PACRG: variants seen among roughly 807,000 people sequenced by gnomAD.
The protein encoded by PACRG is parkin coregulated gene protein.
A neutral mutation model predicts 29.7 loss-of-function variants in PACRG; 29 were observed. The ratio of observed to expected loss-of-function variants is 0.98; its 90% confidence interval spans 0.73 to 1.33. PACRG has a LOEUF of 1.33. PACRG is among the 40% of genes most tolerant of loss of function. The pLI is 0.00. For missense variants in PACRG, 279 were observed against 316.2 expected, an observed-to-expected ratio of 0.88 and a Z score of 0.89; for synonymous variants, 116 against 118.7, an observed-to-expected ratio of 0.98 and a Z score of 0.15.
At chr6:162,898,710 G>A (rs988400797) in intron 2 of PACRG, among the ~76,000 whole-genome samples, 3 of 152,168 alleles carry the variant, frequency 2.0e-5, no homozygotes, top group African/African-American at 4.8e-5. Context: ...CACAAATACA[G>A]GACTTAAAGA....
intron 4 of PACRG, among the ~76,000 whole-genome samples, chr6:163,099,000 A>T (rs906142647): frequency 1.3e-5 from 2 of 152,116 alleles, no homozygotes; most frequent in East Asian, 3.9e-4. Context: ...TTTCATCAGC[A>T]AGGTCTTTCT....
At position 163,249,190 on chromosome 6, in the gene PACRG, CAA is replaced by C. The variant is rs1172521816; in HGVS notation, c.614-65635_614-65634del. Among the ~76,000 whole-genome samples, 4 of 152,124 alleles carry C rather than the reference CAA, an allele frequency of 2.6e-5. No homozygotes were observed. The East Asian group carries it at 7.7e-4, about 29-fold the overall frequency. On this transcript the variant is annotated intron_variant, in intron 4 of 4. Transcript: ENST00000366888. ...CTGTACGCTGAAACAAGGATGCACG[CAA>C]AGTCTCTGGGTCAATATTATGTTGC...
At chr6:162,839,096 G>C (rs1789519300) in intron 2 of PACRG, among the ~76,000 whole-genome samples, 1 of 134,942 alleles carries the variant, frequency 7.4e-6, no homozygotes, top group African/African-American at 3.0e-5. Flanking sequence ...ATAGTCCTTT[G>C]GGTATATACC....
At chr6:163,090,961 T>C (rs1433619218) in intron 4 of PACRG, among the ~76,000 whole-genome samples, 1 of 152,224 alleles carries the variant, frequency 6.6e-6, no homozygotes, top group Non-Finnish European at 1.5e-5. Flanking sequence ...TTGCAGAAGT[T>C]GCCTCTTGTA....
chr6:162,888,405 C>T (rs2175895), intron 2 of PACRG, among the ~76,000 whole-genome samples: 39,054 of 151,990 alleles, frequency 0.26, 5,283 homozygotes, highest in Middle Eastern at 0.33. Flanking sequence ...CTCTTGCATC[C>T]GTAGGATCGC....
intron 2 of PACRG, among the ~76,000 whole-genome samples, chr6:162,984,370 G>T (rs947639219): frequency 6.6e-6 from 1 of 151,988 alleles, no homozygotes; most frequent in African/African-American, 2.4e-5. Context: ...TTATGGCCAA[G>T]TAGTATTTCA....
At chr6:163,079,460 A>G (rs1196206957) in intron 3 of PACRG, among the ~76,000 whole-genome samples, 1 of 151,910 alleles carries the variant, frequency 6.6e-6, no homozygotes, top group African/African-American at 2.4e-5. Flanking sequence ...CCATTCCTGT[A>G]TCCTCCCTAT....
chr6:162,922,624 A>C (rs1797147268), intron 2 of PACRG, among the ~76,000 whole-genome samples: 1 of 151,240 alleles, frequency 6.6e-6, no homozygotes, highest in Admixed American at 6.6e-5. Context: ...TACTTCTATG[A>C]GCTCATTTTT....
intron 4 of PACRG, among the ~76,000 whole-genome samples, chr6:163,213,121 A>G (rs1050595503): frequency 2.0e-5 from 3 of 152,234 alleles, no homozygotes; most frequent in Non-Finnish European, 4.4e-5. Context: ...TAACATGGCT[A>G]TGAAATGGAC....
At chr6:163,118,464 AT>A (rs763535021) in intron 4 of PACRG, among the ~76,000 whole-genome samples, 1 of 152,204 alleles carries the variant, frequency 6.6e-6, no homozygotes, top group Non-Finnish European at 1.5e-5. Flanking sequence ...ACACAAAAAA[AT>A]ATTTTTTAAG....
intron 2 of PACRG, among the ~76,000 whole-genome samples, chr6:163,052,577 A>G (rs1409077966): frequency 6.6e-6 from 1 of 152,086 alleles, no homozygotes. Flanking sequence ...TCCCCATGCT[A>G]TTCTTCTGAT....
At chr6:162,827,206 A>G (rs938911510) in intron 2 of PACRG, among the ~76,000 whole-genome samples, 18 of 152,204 alleles carry the variant, frequency 1.2e-4, no homozygotes, top group Non-Finnish European at 2.9e-5. Flanking sequence ...CAAAAAATAC[A>G]AAAGTTAAGA....
intron 4 of PACRG, among the ~76,000 whole-genome samples, chr6:163,209,083 G>A (rs1026670085): frequency 2.0e-4 from 30 of 152,160 alleles, no homozygotes; most frequent in African/African-American, 4.6e-4. Flanking sequence ...AAATAAGGTC[G>A]TGAGCAATAT....
intron 3 of PACRG, among the ~76,000 whole-genome samples, chr6:163,071,515 A>G (rs1812050054): frequency 6.6e-6 from 1 of 152,088 alleles, no homozygotes; most frequent in South Asian, 2.1e-4. Context: ...CACAACATGC[A>G]GCAGAAACAT....
chr6:162,768,661 C>A (rs1242629366), intron 1 of PACRG, among the ~76,000 whole-genome samples: 1 of 152,042 alleles, frequency 6.6e-6, no homozygotes, highest in Non-Finnish European at 1.5e-5. Context: ...ATTCTCTCTT[C>A]AGCCAAGAAA....
intron 4 of PACRG, among the ~76,000 whole-genome samples, chr6:163,114,671 G>A (rs1430391001): frequency 6.6e-6 from 1 of 152,094 alleles, no homozygotes; most frequent in African/African-American, 2.4e-5. Context: ...AAGAAGCAGA[G>A]AATGGAATGG....
chr6:163,167,211 C>T (rs551574716), intron 4 of PACRG, among the ~76,000 whole-genome samples: 90 of 152,238 alleles, frequency 5.9e-4, no homozygotes, highest in Non-Finnish European at 1.1e-3. Context: ...AAACCTTAAG[C>T]TTATAGTTTG....
intron 4 of PACRG, among the ~76,000 whole-genome samples, chr6:163,281,258 G>A (rs1459578756): frequency 1.3e-5 from 2 of 152,190 alleles, no homozygotes; most frequent in African/African-American, 2.4e-5. Flanking sequence ...TCAAGAAACG[G>A]CAGCAAGGCT....
chr6:162,899,983 G>A (rs191707230), intron 2 of PACRG, among the ~76,000 whole-genome samples: 12 of 152,210 alleles, frequency 7.9e-5, no homozygotes, highest in Middle Eastern at 3.4e-3. Context: ...GAGGATGAGG[G>A]GAAGGTCAGG....
Sources: gnomAD v4.1 joint callset for allele counts (sites outside exome capture counted in the v4.1 genomes callset) on GRCh38, gnomAD v4.1.1 for gene constraint, MANE v1.5 for transcripts, NCBI Gene and HGNC (gene_info 2026-07-23, HGNC 2026-07-21) for gene names.